The following MYO16 variants were observed in gnomAD, a reference collection of about 807,000 sequenced individuals.
MYO16 encodes unconventional myosin-XVI.
MYO16 carries 94 observed loss-of-function variants against 205.3 expected under a neutral mutation model. The ratio of observed to expected loss-of-function variants is 0.46; its 90% CI spans 0.39 to 0.54. The LOEUF (loss-of-function observed/expected upper bound fraction) is 0.54. MYO16 is among the 20% of genes least tolerant of loss of function. The probability of loss-of-function intolerance (pLI) is 0.00; values close to 1 mark genes in which losing one functional copy is unlikely to be tolerated. For synonymous variants in MYO16, 988 were observed against 954.0 expected, an observed-to-expected ratio of 1.04 and a Z score of -0.66; for missense variants, 2,315 against 2,387.5, an observed-to-expected ratio of 0.97 and a Z score of 0.63.
Position 109,125,300 on chromosome 13 carries a change from G to A in MYO16, c.3724G>A (p.Ala1242Thr), listed in dbSNP as rs137956492. 8.7e-5 allele frequency: 140 copies of A among 1,613,952 alleles called. No homozygotes were observed. Among genetic ancestry groups the A allele is most frequent in the East Asian group, 1.3e-4 (6 of 44,900 alleles). ...TGACCGGCTCCGTAGTGAAATGAAC[G>A]CTCCCTACCATAAAGAGAAGTTAGA... is the stretch of plus-strand genomic sequence containing the variant. ...ENDRLRSEMN[A>T]PYHKEKLEVR... The change falls in exon 30 of 35, where the codon GCT becomes ACT. Residue 1242 changes from alanine to threonine, a missense_variant. By Grantham distance (58) the Ala-to-Thr change is moderately conservative (BLOSUM62 0). Coordinates refer to ENST00000457511, the MANE Select transcript of MYO16 (RefSeq NM_001198950.3). The surrounding 1 kb of genome is among the most constrained non-coding windows in gnomAD (Gnocchi z 4.0).
At chr13:108,651,166 G>C (rs149410553) in intron 1 of MYO16, among the ~76,000 whole-genome samples, 1 of 152,274 alleles carries the variant, frequency 6.6e-6, no homozygotes, top group East Asian at 1.9e-4. Context: ...GTCTCTGCAG[G>C]GAACCTGGCC....
chr13:108,897,211 A>G (rs936531360), intron 14 of MYO16, among the ~76,000 whole-genome samples: 3 of 152,280 alleles, frequency 2.0e-5, no homozygotes, highest in Middle Eastern at 3.4e-3. Flanking sequence ...TGAACCCTCC[A>G]GATTTTCATA....
the MYO16 span, among the ~76,000 whole-genome samples, chr13:108,540,577 T>C: frequency 6.6e-6 from 1 of 152,160 alleles, no homozygotes; most frequent in Non-Finnish European, 1.5e-5. Context: ...TTTCATAGGT[T>C]CAGTCTGTTA....
chr13:108,823,134 C>T lies in MYO16; in HGVS notation c.953C>T (p.Ala318Val). The change falls in exon 9 of 35, where the codon GCC becomes GTC. Residue 318 changes from alanine (A) to valine (V), a missense_variant. Ala to Val is a moderately conservative substitution (Grantham distance 64). Coordinates refer to ENST00000457511, the MANE Select transcript of MYO16 (RefSeq NM_001198950.3). ...CNEEKASDIA[A>V]SEFIEEMLLK... ...TATTTTTTTCTTGTAGATATTGCTG[C>T]CTCTGAGTTTATTGAGGAAATGCTG... The T allele has an allele frequency of 6.2e-7, 1 of 1,609,980 alleles. No individual in the cohort carries two copies. Among genetic ancestry groups the T allele is most frequent in the East Asian group, 2.2e-5 (1 of 44,822 alleles).
chr13:108,913,137 G>A (rs142468877), intron 16 of MYO16, among the ~76,000 whole-genome samples: 38 of 152,258 alleles, frequency 2.5e-4, no homozygotes, highest in Non-Finnish European at 3.8e-4. Flanking sequence ...TAGGAAGATC[G>A]TGAATAATTC....
intron 12 of MYO16, among the ~76,000 whole-genome samples, chr13:108,867,449 C>A (rs895336245): frequency 2.6e-5 from 4 of 152,146 alleles, no homozygotes; most frequent in Non-Finnish European, 5.9e-5. Context: ...TGCCTACCCT[C>A]CTCATTCCTC....
At chr13:109,187,445 AATAGGTAGC>A (rs2139935306) in intron 34 of MYO16, among the ~76,000 whole-genome samples, 1 of 152,010 alleles carries the variant, frequency 6.6e-6, no homozygotes, top group Non-Finnish European at 1.5e-5. Context: ...TGCTTTCTTA[AATAGGTAGC>A]ATAGATCACT....
intron 30 of MYO16, among the ~76,000 whole-genome samples, chr13:109,126,902 G>A (rs1023137443): frequency 1.3e-5 from 2 of 152,220 alleles, no homozygotes; most frequent in Non-Finnish European, 2.9e-5. Flanking sequence ...GGATTTGCCA[G>A]AAATTATCAT....
At chr13:108,952,243 C>T (rs751823064) in intron 16 of MYO16, among the ~76,000 whole-genome samples, 6 of 151,968 alleles carry the variant, frequency 3.9e-5, no homozygotes, top group African/African-American at 1.4e-4. Context: ...TATCCTTTTT[C>T]TGTAAATGAA....
intron 33 of MYO16, among the ~76,000 whole-genome samples, chr13:109,175,197 G>A (rs920329679): frequency 5.9e-5 from 9 of 152,182 alleles, no homozygotes; most frequent in Non-Finnish European, 1.3e-4. Flanking sequence ...CAGTGATGAG[G>A]AGGATGTCCT....
chr13:108,891,437 C>T (rs183537314), intron 14 of MYO16, among the ~76,000 whole-genome samples: 173 of 152,190 alleles, frequency 1.1e-3, no homozygotes, highest in Middle Eastern at 3.4e-3. Context: ...TATGGAAAAT[C>T]GTGTTCAATT....
chr13:109,044,324 G>A (rs1282667262), intron 23 of MYO16, among the ~76,000 whole-genome samples: 3 of 152,166 alleles, frequency 2.0e-5, no homozygotes, highest in African/African-American at 4.8e-5. Flanking sequence ...AGAGAATAAC[G>A]TTAATAGGCT....
chr13:108,677,693 A>G (rs1188513190), intron 2 of MYO16, among the ~76,000 whole-genome samples: 2 of 152,054 alleles, frequency 1.3e-5, no homozygotes, highest in Non-Finnish European at 2.9e-5. Context: ...TATTTCTTAG[A>G]GCTGCTCCCT....
At chr13:108,793,446 G>T (rs1326221134) in intron 5 of MYO16, 70 bp from the exon 6 acceptor site, 3 of 1,487,484 alleles carry the variant, frequency 2.0e-6, no homozygotes, top group Middle Eastern at 1.8e-4. Context: ...AGGTTATAAA[G>T]CTAGGCTTTG....
intron 17 of MYO16, 99 bp from the exon 18 acceptor site, chr13:108,961,440 T>C: frequency 1.1e-6 from 1 of 914,984 alleles, no homozygotes; most frequent in African/African-American, 1.6e-5. Flanking sequence ...ATTAATAGGG[T>C]CATCATTTTT....
At chr13:108,855,643 G>A in intron 11 of MYO16, 90 bp downstream of exon 11, 3 of 859,526 alleles carry the variant, frequency 3.5e-6, no homozygotes, top group Non-Finnish European at 5.2e-6. Context: ...GCAAGTAAAG[G>A]GCTCATTGGA....
intron 1 of MYO16, among the ~76,000 whole-genome samples, chr13:108,599,606 C>A (rs1219658768): frequency 6.6e-6 from 1 of 152,092 alleles, no homozygotes; most frequent in African/African-American, 2.4e-5. Context: ...TAGATCATAG[C>A]CCTCCATCCG....
chr13:108,879,582 A>C (rs1029990066), intron 12 of MYO16, among the ~76,000 whole-genome samples: 1 of 152,130 alleles, frequency 6.6e-6, no homozygotes, highest in Non-Finnish European at 1.5e-5. Flanking sequence ...TCACTGTTCA[A>C]TTCCCACCTA....
the MYO16 span, among the ~76,000 whole-genome samples, chr13:108,557,919 T>C: frequency 1.3e-5 from 2 of 152,166 alleles, no homozygotes; most frequent in African/African-American, 2.4e-5. Flanking sequence ...TATAGATAGA[T>C]AGGTGATAGA....
Sources: gnomAD v4.1 joint callset for allele counts (sites outside exome capture counted in the v4.1 genomes callset) on GRCh38, gnomAD v4.1.1 for gene constraint, Gnocchi (gnomAD v3.1) non-coding constraint, MANE v1.5 for transcripts, NCBI Gene and HGNC (gene_info 2026-07-23, HGNC 2026-07-21) for gene names.